Variants in RIPOR2 observed in about 807,000 individuals in gnomAD.
RIPOR2 encodes the protein rho family-interacting cell polarization regulator 2.
Under a neutral mutation model 114.5 loss-of-function variants are expected in RIPOR2, and 39 were observed. The observed-to-expected ratio is 0.34, with a 90% CI of 0.26 to 0.44. The LOEUF is 0.44. RIPOR2 is among the 20% of genes least tolerant of loss of function. RIPOR2 has a pLI of 1.00. For missense variants in RIPOR2, 1,007 were observed against 1,255.1 expected, an observed-to-expected ratio of 0.80 and a Z score of 2.99; for synonymous variants, 445 against 484.4, an observed-to-expected ratio of 0.92 and a Z score of 1.07.
upstream of RIPOR2, among the ~76,000 whole-genome samples, chr6:24,938,491 T>C (rs1192673714): frequency 4.6e-5 from 7 of 152,326 alleles, no homozygotes; most frequent in Non-Finnish European, 1.0e-4. Flanking sequence ...ACTTTCTCAT[T>C]TGGCTTGTTT....
intron 1 of RIPOR2, among the ~76,000 whole-genome samples, chr6:24,910,061 A>G (rs1050664954): frequency 1.3e-5 from 2 of 152,122 alleles, no homozygotes; most frequent in African/African-American, 4.8e-5. Context: ...GCCCTGTAAG[A>G]GGGAGCTAGA....
At chr6:24,856,593 A>G (rs906420415) in intron 8 of RIPOR2, among the ~76,000 whole-genome samples, 3 of 152,142 alleles carry the variant, frequency 2.0e-5, no homozygotes, top group Non-Finnish European at 4.4e-5. Context: ...TGTCTCTACT[A>G]AAAATACAAA....
At chr6:24,914,932 G>C (rs1028988121) in intron 1 of RIPOR2, among the ~76,000 whole-genome samples, 1 of 152,096 alleles carries the variant, frequency 6.6e-6, no homozygotes, top group Non-Finnish European at 1.5e-5. Flanking sequence ...TGTACCTACC[G>C]ACCCTTATCT....
At position 24,927,360 on chromosome 6, in the gene RIPOR2, TATC is replaced by T. The variant is rs1245082407; in HGVS notation, c.61+8475_61+8477del. 1.0e-3 allele frequency among the ~76,000 whole-genome samples: 113 copies of T among 108,040 alleles called. 1 individual carries two copies. Among genetic ancestry groups the T allele is most frequent in the Admixed American group, 6.5e-3 (73 of 11,162 alleles). 70.9% of individuals were successfully genotyped at this position (108,040 alleles called of 152,430 possible). ...CCACCACCATCACCATCATCGTGAA[TATC>T]ATCATCATCACCTCACCACCACTAC... On this transcript the variant is annotated intron_variant, in intron 1 of 21. Transcript: ENST00000643898.
At chr6:24,836,044 AAT>A in intron 14 of RIPOR2, 173 bp from the exon 15 acceptor site, 1 of 624,392 alleles carries the variant, frequency 1.6e-6, no homozygotes, top group Non-Finnish European at 2.8e-6. Flanking sequence ...CTGGTCACCA[AAT>A]TGCCTAGTGT....
intron 1 of RIPOR2, chr6:25,023,246 G>A (rs9348656): frequency 1.4e-6 from 1 of 702,448 alleles, no homozygotes; most frequent in Admixed American, 1.8e-5. Flanking sequence ...TTGTACAGGG[G>A]TCTATTTGGC....
intron 8 of RIPOR2, among the ~76,000 whole-genome samples, chr6:24,860,735 C>T (rs1293858905): frequency 1.3e-5 from 2 of 152,148 alleles, no homozygotes; most frequent in Non-Finnish European, 2.9e-5. Context: ...TATGGGGGCT[C>T]ATTATAATGT....
chr6:25,029,333 C>A (rs1023400063), intron 1 of RIPOR2, among the ~76,000 whole-genome samples: 1 of 131,650 alleles, frequency 7.6e-6, no homozygotes, highest in African/African-American at 2.9e-5. Flanking sequence ...ACCCGGGAGG[C>A]GGAGCTTGCT....
intron 1 of RIPOR2, among the ~76,000 whole-genome samples, chr6:24,974,829 G>T (rs1157131308): frequency 6.6e-6 from 1 of 152,200 alleles, no homozygotes; most frequent in Non-Finnish European, 1.5e-5. Flanking sequence ...AAGAGGTATT[G>T]ATACACGCTA....
At chr6:25,018,371 C>G (rs574688392) in intron 1 of RIPOR2, among the ~76,000 whole-genome samples, 1 of 152,044 alleles carries the variant, frequency 6.6e-6, no homozygotes, top group South Asian at 2.1e-4. Flanking sequence ...TAATCTACCA[C>G]CAAAAAAGAG....
chr6:24,830,443 A>C, intron 17 of RIPOR2, 66 bp downstream of exon 17: 95 of 1,236,250 alleles, frequency 7.7e-5, no homozygotes, highest in Non-Finnish European at 9.8e-5. Flanking sequence ...CTCTCCCCCG[A>C]CCCCCACCCC....
intron 10 of RIPOR2, 103 bp downstream of exon 10, chr6:24,850,494 G>T: frequency 7.9e-7 from 1 of 1,266,412 alleles, no homozygotes; most frequent in Non-Finnish European, 1.1e-6. Flanking sequence ...AGAAAAGTCT[G>T]TGGGATGGAG....
At chr6:24,840,244 A>G (rs1761566460) in intron 13 of RIPOR2, 1 of 1,014,368 alleles carries the variant, frequency 9.9e-7, no homozygotes, top group South Asian at 3.9e-5. Context: ...GCACCTGCTC[A>G]CAGCATATAA....
intron 19 of RIPOR2, among the ~76,000 whole-genome samples, chr6:24,820,389 A>G (rs974225866): frequency 6.6e-6 from 1 of 152,234 alleles, no homozygotes; most frequent in African/African-American, 2.4e-5. Context: ...TATAATTTAT[A>G]TACCATAATA....
intron 1 of RIPOR2, among the ~76,000 whole-genome samples, chr6:25,001,062 G>T (rs1775290648): frequency 1.3e-5 from 2 of 152,096 alleles, no homozygotes; most frequent in African/African-American, 4.8e-5. Flanking sequence ...TTAATCTGGT[G>T]CATGTGCACA....
At chr6:24,932,324 G>A (rs1229269448) in intron 1 of RIPOR2, among the ~76,000 whole-genome samples, 1 of 151,988 alleles carries the variant, frequency 6.6e-6, no homozygotes, top group Non-Finnish European at 1.5e-5. Flanking sequence ...CTGTGTGTGT[G>A]TGTGTGTGTG....
chr6:24,848,812 A>G (rs561577260), intron 11 of RIPOR2, among the ~76,000 whole-genome samples: 2 of 152,230 alleles, frequency 1.3e-5, no homozygotes, highest in Admixed American at 6.5e-5. Context: ...GGCTTTCCAT[A>G]TTGTAAATGA....
rs532025245 is a variant in RIPOR2 at position 25,037,411 on chromosome 6, T to C, written c.76+4440A>G. 3.3e-4 allele frequency among the ~76,000 whole-genome samples: 51 copies of C among 152,276 alleles called. No homozygotes were observed. The highest frequency in any genetic ancestry group is 5.9e-4 in the Non-Finnish European group (40 of 68,016). On this transcript the variant is annotated intron_variant, in intron 1 of 13. Transcript: ENST00000510784. This position sits in a 1 kb window ranked among gnomAD's most constrained non-coding sequence, Gnocchi z 4.5. ...CCCTGCCCTGACCCTGCTGTCATCATGTAGAAGGCCCAGGCACCCACGGGC... is the reference window on the plus strand; with the variant it reads ...CCCTGCCCTGACCCTGCTGTCATCACGTAGAAGGCCCAGGCACCCACGGGC...
chr6:24,877,732 G>A (rs561995799), intron 1 of RIPOR2, among the ~76,000 whole-genome samples: 31 of 152,246 alleles, frequency 2.0e-4, no homozygotes, highest in Admixed American at 8.5e-4. Flanking sequence ...TGGAGTAATG[G>A]TGAGACCACA....
Sources: allele counts gnomAD v4.1 joint callset (sites outside exome capture counted in the v4.1 genomes callset), GRCh38; gene constraint gnomAD v4.1.1; non-coding constraint Gnocchi (gnomAD v3.1); transcripts MANE v1.5; gene names NCBI Gene and HGNC (gene_info 2026-07-23, HGNC 2026-07-21).